The following DGKZ variants were observed in gnomAD, a reference collection of about 807,000 sequenced individuals.
DGKZ encodes diacylglycerol kinase zeta.
DGKZ carries 45 observed loss-of-function variants against 142.5 expected under a neutral mutation model. The observed-to-expected ratio is 0.32, with a 90% CI of 0.25 to 0.40. The LOEUF (loss-of-function observed/expected upper bound fraction) is 0.40. DGKZ is among the 10% of genes least tolerant of loss of function. The pLI, the probability that DGKZ is intolerant of heterozygous loss-of-function variation, is 1.00. For missense variants in DGKZ, 755 were observed against 1,306.5 expected (o/e 0.58, Z 6.51); for synonymous variants, 442 against 527.0 (o/e 0.84, Z 2.21).
chr11:46,369,722 G>T, intron 5 of DGKZ, 172 bp downstream of exon 5: 1 of 965,590 alleles, frequency 1.0e-6, no homozygotes, highest in Non-Finnish European at 1.6e-6. Context: ...TGCGGAGTGG[G>T]TGGGACAGCT....
At chr11:46,344,845 T>C (rs559875192), upstream of DGKZ, among the ~76,000 whole-genome samples, 2 of 152,266 alleles carry the variant, frequency 1.3e-5, no homozygotes, top group Admixed American at 1.3e-4. Flanking sequence ...GGCTACCTTG[T>C]CCCAAAAGTT....
intron 1 of DGKZ, among the ~76,000 whole-genome samples, chr11:46,364,021 G>A (rs1041315574): frequency 1.3e-5 from 2 of 152,206 alleles, no homozygotes; most frequent in African/African-American, 2.4e-5. Context: ...CAGGGCTGTG[G>A]TGAGGATTAC....
chr11:46,343,399 G>C (rs138899895), upstream of DGKZ, among the ~76,000 whole-genome samples: 6 of 152,140 alleles, frequency 3.9e-5, no homozygotes, highest in Non-Finnish European at 8.8e-5. Context: ...TTTAAGGGTC[G>C]GGATAGCATC....
intron 14 of DGKZ, among the ~76,000 whole-genome samples, chr11:46,373,500 T>TCG (rs1554957788): frequency 6.8e-6 from 1 of 148,024 alleles, no homozygotes; most frequent in Non-Finnish European, 1.5e-5. Flanking sequence ...TTTTTTTTGT[T>TCG]TTTGTTTTTT....
intron 1 of DGKZ, among the ~76,000 whole-genome samples, chr11:46,362,747 G>A (rs773661138): frequency 1.3e-5 from 2 of 152,206 alleles, no homozygotes; most frequent in African/African-American, 2.4e-5. Context: ...TCTGGAGGGT[G>A]GGTGTCCTGT....
chr11:46,362,737 T>C lies in DGKZ; in HGVS notation c.162-4554T>C, dbSNP rs180689645. ...GCACAGGGCGTGAGATGGCCTGGGC[T>C]CTGGAGGGTGGGTGTCCTGTCCGCT... On this transcript the variant is annotated intron_variant, in intron 1 of 30. Transcript: ENST00000527911. Among the ~76,000 whole-genome samples, 634 of 152,298 alleles carry C rather than the reference T, an allele frequency of 4.2e-3. 5 individuals carry two copies. Among genetic ancestry groups the C allele is most frequent in the African/African-American group, 0.014 (580 of 41,558 alleles).
intron 1 of DGKZ, among the ~76,000 whole-genome samples, chr11:46,355,299 G>A (rs1030352271): frequency 7.9e-5 from 12 of 151,832 alleles, no homozygotes; most frequent in South Asian, 2.1e-4. Flanking sequence ...TAGTAGAGAC[G>A]GGGTTTCGCC....
At chr11:46,339,994 A>G (rs1235597095) in intron 1 of DGKZ, among the ~76,000 whole-genome samples, 4 of 152,222 alleles carry the variant, frequency 2.6e-5, no homozygotes, top group African/African-American at 9.6e-5. Context: ...ATGCCTGGAA[A>G]AGGCTAATCA....
In DGKZ at chr11:46,367,064, C is replaced by G; in HGVS notation, c.162-227C>G. On this transcript the variant is annotated intron_variant, in intron 1 of 30. Transcript: ENST00000527911. This position sits in a 1 kb window ranked among gnomAD's most constrained non-coding sequence, Gnocchi z 4.1. ...CTGGGCATGGGCCTTGAAGCTCTGC[C>G]TGGCTGAGGGTTCCCCACTTGGGAA... 1.4e-6 allele frequency: 2 copies of G among 1,451,624 alleles called. No homozygotes were observed. Among genetic ancestry groups the G allele is most frequent in the Non-Finnish European group, 1.8e-6 (2 of 1,095,374 alleles). The allele number at this position is 1,451,624 out of a possible 1,614,324, so 89.9% of individuals were successfully genotyped here.
chr11:46,374,124 A>C, intron 14 of DGKZ, 33 bp from the exon 15 acceptor site: 1 of 1,601,818 alleles, frequency 6.2e-7, no homozygotes, highest in Admixed American at 1.7e-5. Context: ...TGTGAGGCCC[A>C]GCCCTCATTT....
chr11:46,333,323 C>T, exon 1 of DGKZ: 1 of 1,325,888 alleles, frequency 7.5e-7, no homozygotes, highest in Non-Finnish European at 9.6e-7. Flanking sequence ...ACTGGGCTGG[C>T]GGCGGCCGGG....
rs1351770747 is a variant in DGKZ at position 46,367,766 on chromosome 11, A to G, written c.366+19A>G. The stretch of plus-strand genomic sequence containing the variant: ...GATGCTGGTGAGTGCTCGTAGGGGC[A>G]CGCCGCCCCCTGCTGGTGGAGCCAG... On this transcript the variant is annotated intron_variant, in intron 3 of 30. Transcript: ENST00000527911. This position sits in a 1 kb window ranked among gnomAD's most constrained non-coding sequence, Gnocchi z 4.1. 1.2e-6 allele frequency: 2 copies of G among 1,612,240 alleles called. No homozygotes were observed. Among genetic ancestry groups the G allele is most frequent in the Middle Eastern group, 1.7e-4 (1 of 5,930 alleles).
chr11:46,366,957 G>T, intron 1 of DGKZ: 9 of 1,536,880 alleles, frequency 5.9e-6, no homozygotes, highest in Non-Finnish European at 7.8e-6. Flanking sequence ...AAGGCGGCCG[G>T]ACCCCAGGCC....
chr11:46,344,723 G>T (rs1026120144), upstream of DGKZ, among the ~76,000 whole-genome samples: 2 of 152,184 alleles, frequency 1.3e-5, no homozygotes, highest in Middle Eastern at 3.4e-3. Context: ...CAAAGTGTTG[G>T]GATTACAGGT....
chr11:46,376,264 T>G (rs1944525065), intron 22 of DGKZ, 64 bp from the exon 23 acceptor site: 2 of 1,609,782 alleles, frequency 1.2e-6, no homozygotes, highest in Admixed American at 3.3e-5. Context: ...TTCCCCCTAC[T>G]CCAAGTTCCC....
intron 23 of DGKZ, 35 bp downstream of exon 23, chr11:46,376,432 G>A: frequency 1.2e-6 from 2 of 1,614,010 alleles, no homozygotes; most frequent in Non-Finnish European, 1.7e-6. Flanking sequence ...GCTGTTTCGT[G>A]TTCCCTCCCT....
chr11:46,333,404 C>G, exon 1 of DGKZ: 2 of 1,507,270 alleles, frequency 1.3e-6, no homozygotes, highest in Non-Finnish European at 1.8e-6. Context: ...AGCCCTGGCC[C>G]GAGGGTTCCC....
chr11:46,344,895 C>G (rs761061999), upstream of DGKZ, among the ~76,000 whole-genome samples: 4 of 152,130 alleles, frequency 2.6e-5, no homozygotes, highest in Non-Finnish European at 5.9e-5. Flanking sequence ...TGATCCAGGC[C>G]ACACAGAGCT....
rs1453976075 is a variant in DGKZ, at chr11:46,358,531, TG to T, written c.162-8759del. Among the ~76,000 whole-genome samples the T allele has an allele frequency of 2.0e-5, 3 of 152,328 alleles. No individual in the cohort carries two copies. In the East Asian group the frequency reaches 5.8e-4, roughly 29 times the overall value. ...CATGAGCTTGTCATTTCCAAAACAG[TG>T]TCATTATTTGTTGCCAGGCACAGGC... On this transcript the variant is annotated intron_variant, in intron 1 of 30. Coordinates refer to ENST00000527911, the Ensembl canonical transcript of DGKZ.
Sources: allele counts gnomAD v4.1 joint callset (sites outside exome capture counted in the v4.1 genomes callset), GRCh38; gene constraint gnomAD v4.1.1; non-coding constraint Gnocchi (gnomAD v3.1); transcripts MANE v1.5; gene names NCBI Gene and HGNC (gene_info 2026-07-23, HGNC 2026-07-21).